The following CELF2 variants were observed in gnomAD, a reference collection of about 807,000 sequenced individuals.
The protein encoded by CELF2 is CUGBP Elav-like family member 2, also known as CUG triplet repeat RNA-binding protein 2.
Under a neutral mutation model 62.6 loss-of-function variants are expected in CELF2, and 8 were observed. That is an observed-to-expected ratio of 0.13 (90% CI 0.07 to 0.23). The LOEUF is 0.23. CELF2 is among the 10% of genes least tolerant of loss of function. CELF2 has a pLI of 1.00. For missense variants in CELF2, 333 were observed against 671.0 expected (o/e 0.50, Z 5.56); for synonymous variants, 258 against 250.0 (o/e 1.03, Z -0.30).
Position 11,332,843 on chromosome 10 carries a change from G to A in CELF2, c.*3790G>A, listed in dbSNP as rs1195370267. 6.6e-6 allele frequency: 1 copy of A among 152,596 alleles called. No homozygotes were observed. The highest frequency in any genetic ancestry group is 2.4e-5 in the African/African-American group (1 of 41,422). The allele number at this position is 152,596 out of a possible 1,614,324, so 9.5% of individuals were successfully genotyped here. A position where few individuals can be genotyped will look rare whatever the true frequency, so the allele number is the denominator to read the frequency against. ...ATCCTCACATGTGTTTACTACTGCT[G>A]GGGCCTTCCTTCATCCTCTGAGGGC... On this transcript the variant is annotated 3_prime_UTR_variant, in exon 13 of 13. Transcript: ENST00000633077.
At chr10:11,238,278 T>G (rs913001692) in intron 3 of CELF2, among the ~76,000 whole-genome samples, 2 of 152,358 alleles carry the variant, frequency 1.3e-5, no homozygotes, top group African/African-American at 4.8e-5. Context: ...TCGCACACAA[T>G]TCTCGTGGTC....
chr10:11,144,454 G>A (rs1484364816), intron 1 of CELF2, among the ~76,000 whole-genome samples: 2 of 152,110 alleles, frequency 1.3e-5, no homozygotes, highest in African/African-American at 4.8e-5. Flanking sequence ...GTTTCCAGCA[G>A]AATTATCGTG....
At chr10:10,856,852 T>C (rs1297951852) in intron 1 of CELF2, among the ~76,000 whole-genome samples, 1 of 152,192 alleles carries the variant, frequency 6.6e-6, no homozygotes, top group East Asian at 1.9e-4. Flanking sequence ...TTCTGAACTT[T>C]CATTTTCATG....
At chr10:10,741,913 T>C in the CELF2 span, among the ~76,000 whole-genome samples, 13 of 152,258 alleles carry the variant, frequency 8.5e-5, no homozygotes, top group Non-Finnish European at 1.9e-4. Context: ...GTTTGTCTAA[T>C]GGTGATTTCT....
At chr10:10,675,312 T>G in the CELF2 span, among the ~76,000 whole-genome samples, 4 of 152,204 alleles carry the variant, frequency 2.6e-5, no homozygotes, top group Non-Finnish European at 5.9e-5. Context: ...TTCACTTGAC[T>G]CTTTTTTTGC....
rs774049822 is a variant in CELF2, at chr10:11,237,918, G to A, written c.355-11235G>A. 4.6e-5 allele frequency among the ~76,000 whole-genome samples: 7 copies of A among 152,166 alleles called. No homozygotes were observed. The highest frequency in any genetic ancestry group is 4.1e-4 in the South Asian group (2 of 4,836). On this transcript the variant is annotated intron_variant, in intron 3 of 12. Coordinates refer to ENST00000633077, the MANE Select transcript of CELF2 (RefSeq NM_001326342.2). The surrounding 1 kb of genome is among the most constrained non-coding windows in gnomAD (Gnocchi z 4.0). ...AATGGTAAAAACCACAATCACTTTC[G>A]TACAAACCTAATAGAATCTAGGATT...
At chr10:11,322,632 C>T (rs1294897661) in intron 11 of CELF2, among the ~76,000 whole-genome samples, 4 of 125,326 alleles carry the variant, frequency 3.2e-5, no homozygotes, top group African/African-American at 1.1e-4. Context: ...TTAAAAGATA[C>T]TCATGGTTTT....
intron 1 of CELF2, among the ~76,000 whole-genome samples, chr10:11,128,894 G>T (rs1047520556): frequency 5.3e-5 from 8 of 152,136 alleles, no homozygotes; most frequent in African/African-American, 1.9e-4. Context: ...GATTGCCCTG[G>T]CCAGAACTTC....
intron 1 of CELF2, among the ~76,000 whole-genome samples, chr10:10,850,941 G>T (rs1482408367): frequency 6.6e-6 from 1 of 152,080 alleles, no homozygotes; most frequent in Non-Finnish European, 1.5e-5. Flanking sequence ...GAGTAGCTGG[G>T]ATTATAGGCG....
At chr10:10,574,854 T>C in the CELF2 span, among the ~76,000 whole-genome samples, 1 of 148,784 alleles carries the variant, frequency 6.7e-6, no homozygotes, top group South Asian at 2.1e-4. Context: ...GGATTACAGA[T>C]GCCCGCCACC....
chr10:11,065,745 G>A (rs1384589595), intron 1 of CELF2, among the ~76,000 whole-genome samples: 1 of 152,194 alleles, frequency 6.6e-6, no homozygotes, highest in Non-Finnish European at 1.5e-5. Flanking sequence ...GAATGCAGAT[G>A]CTATAAATAA....
chr10:11,265,118 A>C (rs192840951), intron 5 of CELF2, among the ~76,000 whole-genome samples: 2 of 152,326 alleles, frequency 1.3e-5, no homozygotes, highest in African/African-American at 4.8e-5. Flanking sequence ...TGATAATCTC[A>C]CCAGGTATTC....
the CELF2 span, among the ~76,000 whole-genome samples, chr10:10,633,000 T>C: frequency 6.6e-6 from 1 of 152,218 alleles, no homozygotes; most frequent in Non-Finnish European, 1.5e-5. Flanking sequence ...TTATAAAGGC[T>C]GCATAGAATT....
rs1353339647 is a variant in CELF2 at position 11,300,221 on chromosome 10, G to A, written c.976+11669G>A. Among the ~76,000 whole-genome samples, 1 of 152,210 alleles carries A rather than the reference G, an allele frequency of 6.6e-6. No homozygotes were observed. The highest frequency in any genetic ancestry group is 2.4e-5 in the African/African-American group (1 of 41,440). ...CAGCTGCTTTGGACGTGAGGAGCAG[G>A]TGCTGGCCCCTCACTTCCCCGCCTT... is the stretch of plus-strand genomic sequence containing the variant. On this transcript the variant is annotated intron_variant, in intron 9 of 12. Transcript: ENST00000633077. This position sits in a 1 kb window ranked among gnomAD's most constrained non-coding sequence, Gnocchi z 5.5.
chr10:10,548,382 A>C, the CELF2 span, among the ~76,000 whole-genome samples: 103 of 152,348 alleles, frequency 6.8e-4, no homozygotes, highest in African/African-American at 2.4e-3. Flanking sequence ...CGCAAAGATA[A>C]CCATACTGTG....
At chr10:10,738,505 G>A in the CELF2 span, among the ~76,000 whole-genome samples, 2 of 152,134 alleles carry the variant, frequency 1.3e-5, no homozygotes, top group African/African-American at 2.4e-5. Flanking sequence ...ATGACATGAC[G>A]AGAATGCCTC....
chr10:10,843,422 A>G (rs2058812287), intron 1 of CELF2, among the ~76,000 whole-genome samples: 1 of 152,016 alleles, frequency 6.6e-6, no homozygotes, highest in East Asian at 1.9e-4. Context: ...ATATATGCAG[A>G]TAATGCTACA....
At chr10:11,007,148 A>G (rs1328945347) in intron 1 of CELF2, among the ~76,000 whole-genome samples, 2 of 152,350 alleles carry the variant, frequency 1.3e-5, no homozygotes, top group Middle Eastern at 3.4e-3. Flanking sequence ...ATATTAGTAC[A>G]TTTATAGAGA....
the CELF2 span, among the ~76,000 whole-genome samples, chr10:10,622,798 T>A: frequency 2.0e-5 from 3 of 151,968 alleles, no homozygotes; most frequent in African/African-American, 7.3e-5. Context: ...TGATAAACAA[T>A]ACAATTGCAG....
Sources: gnomAD v4.1 joint callset for allele counts (sites outside exome capture counted in the v4.1 genomes callset) on GRCh38, gnomAD v4.1.1 for gene constraint, Gnocchi (gnomAD v3.1) non-coding constraint, MANE v1.5 for transcripts, NCBI Gene and HGNC (gene_info 2026-07-23, HGNC 2026-07-21) for gene names.